TNFRSF11A: variants seen among roughly 807,000 people sequenced by gnomAD.
The protein encoded by TNFRSF11A is TNF receptor superfamily member 11a.
A neutral mutation model predicts 55.7 loss-of-function variants in TNFRSF11A; 32 were observed. The ratio of observed to expected loss-of-function variants is 0.57; its 90% CI spans 0.43 to 0.77. TNFRSF11A has a LOEUF of 0.77. Among genes scored for constraint, TNFRSF11A ranks in the 30% least tolerant of loss-of-function variants. The pLI is 0.00. For missense variants in TNFRSF11A, 753 were observed against 809.8 expected, an observed-to-expected ratio of 0.93 and a Z score of 0.85; for synonymous variants, 311 against 331.0, an observed-to-expected ratio of 0.94 and a Z score of 0.65.
At position 62,368,026 on chromosome 18, in the gene TNFRSF11A, T is replaced by G. The variant is rs574372300; in HGVS notation, c.784-675T>G. On this transcript the variant is annotated intron_variant, in intron 8 of 9. Transcript: ENST00000586569. Reference sequence around the variant, plus strand: ...CCAGGCTGGTCTTGAACTCCTGAACTCAGGTGATCCACCCACCTTGGTCTC... The same window carrying G: ...CCAGGCTGGTCTTGAACTCCTGAACGCAGGTGATCCACCCACCTTGGTCTC... Among the ~76,000 whole-genome samples, 289 of 152,268 alleles carry G rather than the reference T, an allele frequency of 1.9e-3. 2 individuals are homozygous for G. The highest frequency in any genetic ancestry group is 6.8e-3 in the African/African-American group (281 of 41,532).
chr18:62,336,270 C>CCAGACCCAGGGAAT (rs1340108476), intron 1 of TNFRSF11A: 1 of 152,180 alleles, frequency 6.6e-6, no homozygotes, highest in Admixed American at 6.5e-5. Context: ...AGGCTCTGTT[C>CCAGACCCAGGGAAT]CAGACCCAGG....
rs1180095307 is a variant in TNFRSF11A at position 62,384,946 on chromosome 18, T to C, written c.1763T>C (p.Phe588Ser). 3.3e-6 allele frequency: 5 copies of C among 1,525,166 alleles called. No individual in the cohort carries two copies. The East Asian group carries it at 1.2e-4, about 38-fold the overall frequency. 94.5% of individuals were successfully genotyped at this position (1,525,166 alleles called of 1,614,324 possible). ...TCCTTCGCGGGGAACGGCCCGCGCTTCCCGGACCCGTGCGGCGGCCCCGAG... is the reference window on the plus strand; with the variant it reads ...TCCTTCGCGGGGAACGGCCCGCGCTCCCCGGACCCGTGCGGCGGCCCCGAG... ...RDSFAGNGPR[F>S]PDPCGGPEGL... Residue 588 changes from phenylalanine (F) to serine (S), a missense_variant, in exon 10 of 10, where the codon TTC (phenylalanine) becomes TCC (serine). Coordinates refer to ENST00000586569, the MANE Select transcript of TNFRSF11A (RefSeq NM_003839.4).
chr18:62,388,490 G>A lies in TNFRSF11A; in HGVS notation c.*3456G>A, dbSNP rs1016166988. The A allele has an allele frequency of 1.3e-5, 2 of 152,300 alleles. No homozygotes were observed. Among genetic ancestry groups the A allele is most frequent in the African/African-American group, 4.8e-5 (2 of 41,460 alleles). The allele number at this position is 152,300 out of a possible 1,614,324, so 9.4% of individuals were successfully genotyped here. On this transcript the variant is annotated 3_prime_UTR_variant, in exon 10 of 10. Transcript: ENST00000586569. ...GAGGGTAGGGGGTGGACACACAGAG[G>A]GGAAGATGGCCCCCTTGCCATCTGT... is the stretch of plus-strand genomic sequence containing the variant.
Position 62,358,212 on chromosome 18 carries a change from T to A in TNFRSF11A, c.428-36T>A, listed in dbSNP as rs774553906. On this transcript the variant is annotated intron_variant, in intron 4 of 9. Coordinates refer to ENST00000586569, the MANE Select transcript of TNFRSF11A (RefSeq NM_003839.4). ...AGTGACCTCGTTTGTTTTTTGTTTG[T>A]TCTGTCTGGGTTGTTTTTTTTTTTT... 8 of 1,585,050 alleles carry A rather than the reference T, an allele frequency of 5.0e-6. No homozygotes were observed. In the Middle Eastern group the frequency reaches 5.0e-4, roughly 99 times the overall value.
At chr18:62,346,319 G>T (rs901852371) in intron 1 of TNFRSF11A, among the ~76,000 whole-genome samples, 4 of 152,212 alleles carry the variant, frequency 2.6e-5, no homozygotes, top group African/African-American at 9.7e-5. Context: ...ATGGCCGCAT[G>T]TAGTTTTACC....
At chr18:62,353,147 C>T (rs2046498246) in intron 3 of TNFRSF11A, among the ~76,000 whole-genome samples, 1 of 152,192 alleles carries the variant, frequency 6.6e-6, no homozygotes, top group South Asian at 2.1e-4. Flanking sequence ...TGAGCCATTA[C>T]TCCTAGTGGA....
In TNFRSF11A at chr18:62,325,390, CGCT is replaced by C. The variant is rs1232105040; in HGVS notation, c.48_50del (p.Leu17del). 1.8e-6 allele frequency: 2 copies of C among 1,129,324 alleles called. No homozygotes were observed. 70.0% of individuals were successfully genotyped at this position (1,129,324 alleles called of 1,614,324 possible). A position where few individuals can be genotyped will look rare whatever the true frequency, so the allele number is the denominator to read the frequency against. ...GCCCGGCGGCGCCGCCCGCTGTTCG[CGCT>C]GCTGCTGCTCTGCGCGCTGCTCGCC... On this transcript the variant is annotated inframe_deletion, in exon 1 of 10. Coordinates refer to ENST00000586569, the MANE Select transcript of TNFRSF11A (RefSeq NM_003839.4). The surrounding 1 kb of genome is among the most constrained non-coding windows in gnomAD (Gnocchi z 4.7).
chr18:62,337,835 T>C (rs1223914323), intron 1 of TNFRSF11A, among the ~76,000 whole-genome samples: 1 of 152,214 alleles, frequency 6.6e-6, no homozygotes, highest in Non-Finnish European at 1.5e-5. Context: ...GGATCTGAAA[T>C]TGTCCCTGGC....
chr18:62,369,117 A>C lies in TNFRSF11A; in HGVS notation c.1200A>C (p.Glu400Asp). The change falls in exon 9 of 10, where the codon GAA (glutamate) becomes GAC (aspartate). Residue 400 changes from glutamate to aspartate, a missense_variant. Glu to Asp is a conservative substitution (Grantham distance 45). Around this residue, in one of 3 missense-constraint regions of TNFRSF11A, gnomAD observed 567 missense variants for 596.7 expected, o/e 0.95. Coordinates refer to ENST00000586569, the MANE Select transcript of TNFRSF11A (RefSeq NM_003839.4). ...FTGTQSTVGS[E>D]SCNCTEPLCR... ...GGACACAGAGCACAGTGGGTTCAGA[A>C]AGCTGCAACTGCACTGAGCCCCTGT... The C allele has an allele frequency of 4.3e-6, 7 of 1,614,088 alleles. No homozygotes were observed. The highest frequency in any genetic ancestry group is 5.1e-6 in the Non-Finnish European group (6 of 1,180,042).
intron 7 of TNFRSF11A, 105 bp downstream of exon 7, chr18:62,361,898 TG>T (rs1909717477): frequency 9.4e-7 from 1 of 1,058,954 alleles, no homozygotes. Flanking sequence ...TATGGTGATC[TG>T]CTTAAACTAA....
intron 1 of TNFRSF11A, among the ~76,000 whole-genome samples, chr18:62,334,974 A>G (rs1010757959): frequency 6.6e-6 from 1 of 152,114 alleles, no homozygotes; most frequent in South Asian, 2.1e-4. Context: ...TTCAGTGAAA[A>G]CACAGCTGGA....
At chr18:62,359,854 T>A (rs1909540588) in intron 5 of TNFRSF11A, 101 bp from the exon 6 acceptor site, 3 of 1,029,714 alleles carry the variant, frequency 2.9e-6, no homozygotes, top group Non-Finnish European at 4.6e-6. Flanking sequence ...CGTGGGTTCC[T>A]CTCCTGAAGG....
chr18:62,336,126 G>A (rs372856644), intron 1 of TNFRSF11A, among the ~76,000 whole-genome samples: 1 of 152,160 alleles, frequency 6.6e-6, no homozygotes, highest in African/African-American at 2.4e-5. Flanking sequence ...AATGTCTATT[G>A]TACAGTCAGA....
intron 1 of TNFRSF11A, among the ~76,000 whole-genome samples, chr18:62,329,480 G>A (rs1429961691): frequency 6.6e-6 from 1 of 152,244 alleles, no homozygotes; most frequent in Non-Finnish European, 1.5e-5. Context: ...TGCCCGGATT[G>A]TGGGACGGCC....
At chr18:62,350,029 T>C in intron 3 of TNFRSF11A, 92 bp downstream of exon 3, 1 of 1,564,962 alleles carries the variant, frequency 6.4e-7, no homozygotes, top group Non-Finnish European at 8.7e-7. Context: ...CCAATGATGT[T>C]TCGTTTCAGG....
At chr18:62,370,969 A>G (rs1333475218) in intron 9 of TNFRSF11A, among the ~76,000 whole-genome samples, 7 of 151,886 alleles carry the variant, frequency 4.6e-5, no homozygotes, top group Non-Finnish European at 1.0e-4. Context: ...GGCTGGGACT[A>G]TAGGCGCATG....
chr18:62,367,529 CT>C (rs1222298597), intron 8 of TNFRSF11A: 1 of 152,674 alleles, frequency 6.5e-6, no homozygotes, highest in African/African-American at 2.4e-5. Context: ...TGCTTACTCT[CT>C]GTATGTGTGT....
chr18:62,366,582 A>G (rs2145347296), intron 7 of TNFRSF11A, 126 bp from the exon 8 acceptor site: 1 of 1,034,884 alleles, frequency 9.7e-7, no homozygotes, highest in Non-Finnish European at 1.5e-6. Context: ...TATAGTAACC[A>G]TTTTACTATC....
chr18:62,342,550 G>A (rs2046329337), intron 1 of TNFRSF11A, among the ~76,000 whole-genome samples: 1 of 151,876 alleles, frequency 6.6e-6, no homozygotes, highest in Non-Finnish European at 1.5e-5. Flanking sequence ...TGAATGTTTT[G>A]CTGCGAATCA....
Sources: allele counts gnomAD v4.1 joint callset (sites outside exome capture counted in the v4.1 genomes callset), GRCh38; gene constraint gnomAD v4.1.1; regional missense constraint gnomAD v4.1.1; non-coding constraint Gnocchi (gnomAD v3.1); transcripts MANE v1.5; gene names NCBI Gene and HGNC (gene_info 2026-07-23, HGNC 2026-07-21).